Variants in CFAP141 observed in about 807,000 individuals in gnomAD.
CFAP141 encodes the protein cilia- and flagella-associated protein 141.
the CFAP141 span, among the ~76,000 whole-genome samples, chr1:154,200,911 T>C: frequency 1.3e-5 from 2 of 152,160 alleles, no homozygotes; most frequent in African/African-American, 4.8e-5. Context: ...CTCGAACTCC[T>C]GACCTCAGGT....
chr1:154,203,234 T>C, the CFAP141 span, among the ~76,000 whole-genome samples: 1,036 of 78,292 alleles, frequency 0.013, 76 homozygotes, highest in African/African-American at 0.04. Context: ...TATATATATA[T>C]ACTTTGTTGG....
the CFAP141 span, among the ~76,000 whole-genome samples, chr1:154,204,814 G>A: frequency 2.0e-5 from 3 of 150,990 alleles, no homozygotes; most frequent in East Asian, 2.0e-4. Flanking sequence ...CCCCTGCCTC[G>A]GCCTCCCAAG....
chr1:154,200,731 G>A, the CFAP141 span: 2 of 910,688 alleles, frequency 2.2e-6, no homozygotes, highest in Middle Eastern at 3.5e-4. Flanking sequence ...TGCCCAGGCT[G>A]GTGTACAGTG....
At chr1:154,204,091 C>CAATAAATAAATA in the CFAP141 span, among the ~76,000 whole-genome samples, 289 of 151,478 alleles carry the variant, frequency 1.9e-3, no homozygotes, top group Middle Eastern at 3.4e-3. Flanking sequence ...AACTCCATCT[C>CAATAAATAAATA]AATAAATAAA....
chr1:154,200,419 A>G, the CFAP141 span: 5 of 1,609,274 alleles, frequency 3.1e-6, no homozygotes, highest in Non-Finnish European at 3.4e-6. Flanking sequence ...GGCACACAGC[A>G]GTAGTGAATG....
chr1:154,199,539 G>C, the CFAP141 span: 1 of 1,568,316 alleles, frequency 6.4e-7, no homozygotes, highest in Non-Finnish European at 8.7e-7. Context: ...CTGGTGGAGA[G>C]GGCAGAATAG....
At chr1:154,201,663 C>T in the CFAP141 span, among the ~76,000 whole-genome samples, 1 of 152,070 alleles carries the variant, frequency 6.6e-6, no homozygotes, top group African/African-American at 2.4e-5. Flanking sequence ...GCTGGGATTA[C>T]AGGTATGAGC....
chr1:154,206,149 C>T, the CFAP141 span: 1 of 888,916 alleles, frequency 1.1e-6, no homozygotes, highest in Non-Finnish European at 1.9e-6. Context: ...CCTCCCACTC[C>T]TGTTACTAAC....
the CFAP141 span, among the ~76,000 whole-genome samples, chr1:154,203,656 G>A: frequency 1.3e-5 from 2 of 152,006 alleles, no homozygotes; most frequent in African/African-American, 2.4e-5. Context: ...GCACTCAAGT[G>A]ATCCTCTGCC....
the CFAP141 span, among the ~76,000 whole-genome samples, chr1:154,205,022 C>CGT: frequency 2.0e-5 from 3 of 151,980 alleles, no homozygotes; most frequent in East Asian, 5.8e-4. Context: ...GCTGGGACTA[C>CGT]AGGCGCACAC....
At chr1:154,203,220 T>A in the CFAP141 span, among the ~76,000 whole-genome samples, 1 of 68,476 alleles carries the variant, frequency 1.5e-5, no homozygotes, top group Non-Finnish European at 2.8e-5. Flanking sequence ...TATATATATA[T>A]ATATATATAT....
the CFAP141 span, among the ~76,000 whole-genome samples, chr1:154,199,804 T>C: frequency 6.6e-6 from 1 of 152,164 alleles, no homozygotes; most frequent in Non-Finnish European, 1.5e-5. Context: ...GATGGTTACA[T>C]GGCACCAAGT....
the CFAP141 span, among the ~76,000 whole-genome samples, chr1:154,199,967 T>C: frequency 6.6e-6 from 1 of 152,116 alleles, no homozygotes; most frequent in Non-Finnish European, 1.5e-5. Flanking sequence ...ACCTCTGCCC[T>C]CGTTTCAAGT....
At chr1:154,203,291 G>C in the CFAP141 span, among the ~76,000 whole-genome samples, 1 of 131,258 alleles carries the variant, frequency 7.6e-6, no homozygotes, top group African/African-American at 2.8e-5. Flanking sequence ...TCAGAGTCCT[G>C]CTCTGTTGCC....
At chr1:154,201,194 G>A in the CFAP141 span, among the ~76,000 whole-genome samples, 1 of 150,838 alleles carries the variant, frequency 6.6e-6, no homozygotes, top group African/African-American at 2.4e-5. Flanking sequence ...GCAATGGTGT[G>A]ATCTCGGCTC....
chr1:154,202,945 AC>A, the CFAP141 span, among the ~76,000 whole-genome samples: 1 of 151,372 alleles, frequency 6.6e-6, no homozygotes, highest in Admixed American at 6.6e-5. Flanking sequence ...ACATGGTGAA[AC>A]CCCATCTCTA....
chr1:154,200,572 T>A, the CFAP141 span: 2 of 1,614,104 alleles, frequency 1.2e-6, no homozygotes, highest in Non-Finnish European at 1.7e-6. Flanking sequence ...AGACAGTGAG[T>A]ATGTGAATTT....
the CFAP141 span, among the ~76,000 whole-genome samples, chr1:154,202,636 T>C: frequency 6.7e-6 from 1 of 149,456 alleles, no homozygotes; most frequent in Non-Finnish European, 1.5e-5. Flanking sequence ...CCGTCTCTAC[T>C]AAAAATATAA....
chr1:154,205,626 C>G, the CFAP141 span: 2 of 1,614,014 alleles, frequency 1.2e-6, no homozygotes, highest in South Asian at 2.2e-5. Flanking sequence ...AGTCCCATGG[C>G]CTTTTGAAAA....
Sources: gnomAD v4.1 joint callset for allele counts (sites outside exome capture counted in the v4.1 genomes callset) on GRCh38, gnomAD v4.1.1 for gene constraint, MANE v1.5 for transcripts, NCBI Gene and HGNC (gene_info 2026-07-23, HGNC 2026-07-21) for gene names.